Variants in SCN8A observed in about 807,000 individuals in gnomAD.
The protein encoded by SCN8A is sodium channel protein type 8 subunit alpha.
Under a neutral mutation model 184.1 loss-of-function variants are expected in SCN8A, and 30 were observed. The observed-to-expected ratio is 0.16, with a 90% CI of 0.12 to 0.22. SCN8A has a LOEUF of 0.22. SCN8A is among the 10% of genes least tolerant of loss of function. The pLI is 1.00. For missense variants in SCN8A, 1,057 were observed against 2,498.9 expected, an observed-to-expected ratio of 0.42 and a Z score of 12.30; for synonymous variants, 852 against 907.0, an observed-to-expected ratio of 0.94 and a Z score of 1.09.
At chr12:51,781,650 GCGCA>G (rs1291687644) in intron 21 of SCN8A, among the ~76,000 whole-genome samples, 2 of 151,104 alleles carry the variant, frequency 1.3e-5, no homozygotes, top group Non-Finnish European at 2.9e-5. Context: ...GTGCGTGCAC[GCGCA>G]CGCACGCGCA....
intron 1 of SCN8A, among the ~76,000 whole-genome samples, chr12:51,614,883 C>T (rs559723978): frequency 1.3e-5 from 2 of 151,114 alleles, no homozygotes; most frequent in East Asian, 3.9e-4. Context: ...TGAGATGTAC[C>T]CTCTTAACAA....
intron 1 of SCN8A, among the ~76,000 whole-genome samples, chr12:51,651,058 C>T (rs1315237236): frequency 1.3e-5 from 2 of 152,236 alleles, no homozygotes; most frequent in East Asian, 1.9e-4. Context: ...ACAGATTGCT[C>T]ATGCTATTGT....
chr12:51,720,831 C>T (rs1367500634), intron 11 of SCN8A, among the ~76,000 whole-genome samples: 11 of 151,668 alleles, frequency 7.3e-5, no homozygotes, highest in African/African-American at 2.4e-4. Context: ...TTTGGGAGGC[C>T]GAGGCGGGTG....
intron 11 of SCN8A, among the ~76,000 whole-genome samples, chr12:51,711,966 A>G (rs1438346037): frequency 1.3e-5 from 2 of 152,166 alleles, no homozygotes; most frequent in African/African-American, 4.8e-5. Flanking sequence ...TTCATACAAA[A>G]TAGTAATTAA....
At chr12:51,800,136 A>G (rs1379044412) in intron 26 of SCN8A, among the ~76,000 whole-genome samples, 4 of 152,244 alleles carry the variant, frequency 2.6e-5, no homozygotes, top group Admixed American at 2.6e-4. Context: ...GTAAAGATAT[A>G]TTGCTGGCCT....
At position 51,684,203 on chromosome 12, in the gene SCN8A, T is replaced by C; in HGVS notation, c.306T>C (p.Thr102=). The C allele has an allele frequency of 6.2e-7, 1 of 1,600,370 alleles. No homozygotes were observed. Among genetic ancestry groups the C allele is most frequent in the Non-Finnish European group, 8.6e-7 (1 of 1,167,504 alleles). Residue 102 remains threonine, a synonymous_variant, in exon 3 of 27, where the codon ACT becomes ACC. Coordinates refer to ENST00000627620, the MANE Select transcript of SCN8A (RefSeq NM_001330260.2). ...KTFVVLNRGK[T]LFRFSATPAL... is the part of the protein sequence containing the mutation. ...TTGTAGTATTAAACAGAGGGAAAACTCTCTTCAGATTTAGTGCCACGCCTG... is the reference window on the plus strand; with the variant it reads ...TTGTAGTATTAAACAGAGGGAAAACCCTCTTCAGATTTAGTGCCACGCCTG...
At chr12:51,740,779 T>C (rs536955114) in intron 12 of SCN8A, among the ~76,000 whole-genome samples, 6 of 152,270 alleles carry the variant, frequency 3.9e-5, no homozygotes, top group Admixed American at 1.3e-4. Flanking sequence ...CTAACTGTTA[T>C]TGTATTGAGG....
At chr12:51,655,986 A>G (rs192084783) in intron 1 of SCN8A, among the ~76,000 whole-genome samples, 2 of 152,340 alleles carry the variant, frequency 1.3e-5, no homozygotes, top group East Asian at 1.9e-4. Context: ...CAGTTAGACA[A>G]TTCAGCCTCT....
At chr12:51,639,090 C>T (rs1256539555) in intron 1 of SCN8A, among the ~76,000 whole-genome samples, 1 of 151,744 alleles carries the variant, frequency 6.6e-6, no homozygotes, top group Non-Finnish European at 1.5e-5. Flanking sequence ...AGTGATCCTC[C>T]CACCCAGCCT....
rs551578183 is a variant in SCN8A at position 51,655,106 on chromosome 12, C to T, written c.-54-7658C>T. Among the ~76,000 whole-genome samples the T allele has an allele frequency of 8.9e-4, 136 of 152,168 alleles. 1 individual carries two copies. Among genetic ancestry groups the T allele is most frequent in the Non-Finnish European group, 1.7e-3 (119 of 68,002 alleles). ...TACAGATGGGTTTTTGCTGTGTCGGCCAGGCTGGTTTCGAACTCCTGGCCT... is the reference window on the plus strand; with the variant it reads ...TACAGATGGGTTTTTGCTGTGTCGGTCAGGCTGGTTTCGAACTCCTGGCCT... On this transcript the variant is annotated intron_variant, in intron 1 of 26. Transcript: ENST00000627620.
At chr12:51,688,902 G>A (rs1197159746) in intron 5 of SCN8A, 103 bp from the exon 6 acceptor site, 8 of 1,559,506 alleles carry the variant, frequency 5.1e-6, no homozygotes, top group Non-Finnish European at 7.1e-6. Context: ...CTGACGTGAC[G>A]TATTGTACTT....
Position 51,706,629 on chromosome 12 carries a change from A to G in SCN8A, c.1549A>G (p.Lys517Glu). The change falls in exon 11 of 27, where the codon AAG becomes GAG. Residue 517 changes from lysine (K) to glutamate (E), a missense_variant. Physicochemically the swap from Lys to Glu is moderately conservative, Grantham distance 56. Transcript: ENST00000627620. ...GAAAGGGGATCCCGAGAAGGTGTTT[A>G]AGTCAGAGTCAGAAGATGGCATGAG... ...EEKGDPEKVFKSESEDGMRRK... is the reference protein window; with the variant it reads ...EEKGDPEKVFESESEDGMRRK... 6.2e-7 allele frequency: 1 copy of G among 1,608,778 alleles called. No individual in the cohort carries two copies. Among genetic ancestry groups the G allele is most frequent in the Non-Finnish European group, 8.5e-7 (1 of 1,177,384 alleles).
intron 2 of SCN8A, among the ~76,000 whole-genome samples, chr12:51,666,619 TC>T (rs1821505497): frequency 6.6e-6 from 1 of 152,238 alleles, no homozygotes; most frequent in Non-Finnish European, 1.5e-5. Context: ...ACCAGTGGAA[TC>T]CTTTATCTTT....
chr12:51,771,381 A>G (rs1942923202), intron 19 of SCN8A, among the ~76,000 whole-genome samples: 2 of 152,142 alleles, frequency 1.3e-5, no homozygotes, highest in African/African-American at 2.4e-5. Context: ...AAGTATATTT[A>G]AAGAAGGTGG....
At position 51,706,589 on chromosome 12, in the gene SCN8A, C is replaced by A. The variant is rs376749872; in HGVS notation, c.1509C>A (p.Leu503=). The change falls in exon 11 of 27, where the codon CTC becomes CTA. Residue 503 remains leucine (L), a synonymous_variant. Transcript: ENST00000627620. The part of the protein sequence containing the change: ...NRRKKRKQKE[L]SEGEEKGDPE... ...GAAAGAAGAGGAAGCAAAAGGAACT[C>A]TCTGAAGGAGAGGAGAAAGGGGATC... The A allele has an allele frequency of 5.6e-5, 90 of 1,608,736 alleles. No homozygotes were observed. The Middle Eastern group carries it at 8.3e-4, about 15-fold the overall frequency.
intron 2 of SCN8A, among the ~76,000 whole-genome samples, chr12:51,668,107 C>T (rs372389232): frequency 1.3e-5 from 2 of 151,316 alleles, no homozygotes; most frequent in African/African-American, 2.4e-5. Context: ...CGCTTGAACC[C>T]GGGAGGTGGA....
chr12:51,773,957 ACT>A (rs1942969308), intron 19 of SCN8A, among the ~76,000 whole-genome samples: 1 of 152,138 alleles, frequency 6.6e-6, no homozygotes, highest in African/African-American at 2.4e-5. Context: ...TGGATGCACA[ACT>A]CTGAATATAC....
At chr12:51,781,171 A>C (rs562185020) in intron 21 of SCN8A, among the ~76,000 whole-genome samples, 55 of 152,276 alleles carry the variant, frequency 3.6e-4, no homozygotes, top group Middle Eastern at 3.4e-3. Flanking sequence ...GTGTAGGGGC[A>C]TCAGCCAGGT....
At chr12:51,616,231 A>G (rs868680286) in intron 1 of SCN8A, among the ~76,000 whole-genome samples, 1 of 152,266 alleles carries the variant, frequency 6.6e-6, no homozygotes. Context: ...GGTTTTCTTT[A>G]TATGAGAATT....
Sources: allele counts gnomAD v4.1 joint callset (sites outside exome capture counted in the v4.1 genomes callset), GRCh38; gene constraint gnomAD v4.1.1; transcripts MANE v1.5; gene names NCBI Gene and HGNC (gene_info 2026-07-23, HGNC 2026-07-21).